Variants in HOTAIR observed in about 807,000 individuals in gnomAD.
HOTAIR encodes the protein HOX transcript antisense RNA (non-protein coding).
chr12:53,963,865 C>T (rs1939001510), exon 7 of HOTAIR: 1 of 152,230 alleles, frequency 6.6e-6, no homozygotes, highest in Non-Finnish European at 1.5e-5. Flanking sequence ...TCTGTACTCC[C>T]GTTCCCTAGA....
At chr12:53,972,234 C>G (rs1363294913) in intron 1 of HOTAIR, among the ~76,000 whole-genome samples, 1 of 152,246 alleles carries the variant, frequency 6.6e-6, no homozygotes, top group Non-Finnish European at 1.5e-5. Context: ...ATAGAAGATA[C>G]ATGGCTCTCA....
chr12:53,963,447 C>G (rs917378331), exon 7 of HOTAIR: 1 of 152,252 alleles, frequency 6.6e-6, no homozygotes, highest in African/African-American at 2.4e-5. Context: ...AATCCAGAAC[C>G]CTCTGACATT....
chr12:53,969,430 T>G (rs1939113062), intron 1 of HOTAIR, among the ~76,000 whole-genome samples: 1 of 152,140 alleles, frequency 6.6e-6, no homozygotes, highest in African/African-American at 2.4e-5. Context: ...CTGAGCAGCG[T>G]CCACCAGCTT....
chr12:53,972,943 G>A (rs1406414221), intron 1 of HOTAIR, among the ~76,000 whole-genome samples: 1 of 150,874 alleles, frequency 6.6e-6, no homozygotes, highest in African/African-American at 2.4e-5. Context: ...CTCGTGCTGT[G>A]GTATGGAGAG....
Position 53,973,218 on chromosome 12 carries a change from C to T in HOTAIR, n.59+1680G>A. Reference sequence around the variant, plus strand: ...CTAGACCGGGTCCAAAACCTCCATCCGGAGCCGGCAGGAGAGGAGAACGAT... The same window carrying T: ...CTAGACCGGGTCCAAAACCTCCATCTGGAGCCGGCAGGAGAGGAGAACGAT... On this transcript the variant is annotated intron_variant and non_coding_transcript_variant, in intron 1 of 6. Transcript: ENST00000424518. The surrounding 1 kb of genome is among the most constrained non-coding windows in gnomAD (Gnocchi z 4.3). 2 of 1,529,428 alleles carry T rather than the reference C, an allele frequency of 1.3e-6. No individual in the cohort carries two copies. Among genetic ancestry groups the T allele is most frequent in the Non-Finnish European group, 1.7e-6 (2 of 1,144,120 alleles). The allele number at this position is 1,529,428 out of a possible 1,614,324, so 94.7% of individuals were successfully genotyped here.
chr12:53,971,916 G>A (rs996291319), intron 1 of HOTAIR, among the ~76,000 whole-genome samples: 2 of 152,226 alleles, frequency 1.3e-5, no homozygotes, highest in African/African-American at 2.4e-5. Context: ...GCAGGACAGG[G>A]CTGAGAAATA....
At position 53,973,261 on chromosome 12, in the gene HOTAIR, T is replaced by C. The variant is rs1252999468; in HGVS notation, n.59+1637A>G. 1.2e-6 allele frequency: 2 copies of C among 1,609,246 alleles called. No individual in the cohort carries two copies. The highest frequency in any genetic ancestry group is 1.7e-5 in the Admixed American group (1 of 59,850). On this transcript the variant is annotated intron_variant and non_coding_transcript_variant, in intron 1 of 6. Coordinates refer to ENST00000424518, the Ensembl canonical transcript of HOTAIR. The surrounding 1 kb of genome is among the most constrained non-coding windows in gnomAD (Gnocchi z 4.3). ...AGAACGATGTTTAACTCGGTCAACC[T>C]GGGCAACTTCTGCTCTCCGTCGCGC...
chr12:53,969,921 C>T (rs999422245), intron 1 of HOTAIR, among the ~76,000 whole-genome samples: 4 of 152,238 alleles, frequency 2.6e-5, no homozygotes, highest in African/African-American at 9.6e-5. Flanking sequence ...GACAAGCTAA[C>T]AGGAGGCCCC....
rs529380030 is a variant in HOTAIR, at chr12:53,973,523, G to C, written n.59+1375C>G. 1 of 1,613,664 alleles carries C rather than the reference G, an allele frequency of 6.2e-7. No individual in the cohort carries two copies. Among genetic ancestry groups the C allele is most frequent in the South Asian group, 1.1e-5 (1 of 91,062 alleles). On this transcript the variant is annotated intron_variant and non_coding_transcript_variant, in intron 1 of 6. Coordinates refer to ENST00000424518, the Ensembl canonical transcript of HOTAIR. The surrounding 1 kb of genome is among the most constrained non-coding windows in gnomAD (Gnocchi z 4.3). The stretch of plus-strand genomic sequence containing the variant: ...GGAACAGCTACTCCTCCTGCTATGC[G>C]GCGGCCGACGAGCTTATGCACCGGG...
At chr12:53,964,630 G>A (rs748555194) in intron 5 of HOTAIR, among the ~76,000 whole-genome samples, 2 of 152,134 alleles carry the variant, frequency 1.3e-5, no homozygotes, top group Non-Finnish European at 2.9e-5. Flanking sequence ...GCAATTATTC[G>A]GATAATTGTA....
Position 53,973,420 on chromosome 12 carries a change from C to G in HOTAIR, n.59+1478G>C, listed in dbSNP as rs1565714101. The G allele has an allele frequency of 6.2e-7, 1 of 1,614,232 alleles. No individual in the cohort carries two copies. The highest frequency in any genetic ancestry group is 8.5e-7 in the Non-Finnish European group (1 of 1,180,046). ...CCCCAGGCCCCCTCTCGTCAGATCT[C>G]CTATCCCTACTCGGCCCAAGTGCCC... is the stretch of plus-strand genomic sequence containing the variant. On this transcript the variant is annotated intron_variant and non_coding_transcript_variant, in intron 1 of 6. Coordinates refer to ENST00000424518, the Ensembl canonical transcript of HOTAIR. This position sits in a 1 kb window ranked among gnomAD's most constrained non-coding sequence, Gnocchi z 4.3.
In HOTAIR at chr12:53,973,761, A is replaced by G. The variant is rs1939194144; in HGVS notation, n.59+1137T>C. ...GCCCGCCGAGCCCCCCTGCTCCGGC[A>G]AGGGCGAGGCCAAGGGGGAGCCCGA... is the stretch of plus-strand genomic sequence containing the variant. On this transcript the variant is annotated intron_variant and non_coding_transcript_variant, in intron 1 of 6. Transcript: ENST00000424518. The surrounding 1 kb of genome is among the most constrained non-coding windows in gnomAD (Gnocchi z 4.3). 8 of 1,612,134 alleles carry G rather than the reference A, an allele frequency of 5.0e-6. No individual in the cohort carries two copies. Among genetic ancestry groups the G allele is most frequent in the Non-Finnish European group, 6.8e-6 (8 of 1,179,430 alleles).
At chr12:53,970,331 A>G (rs1183367080) in intron 1 of HOTAIR, among the ~76,000 whole-genome samples, 7 of 152,214 alleles carry the variant, frequency 4.6e-5, no homozygotes, top group Admixed American at 1.3e-4. Context: ...TGCTGTGGCC[A>G]GAATCCACAG....
intron 1 of HOTAIR, among the ~76,000 whole-genome samples, chr12:53,972,244 A>T (rs1043925595): frequency 6.6e-6 from 1 of 152,222 alleles, no homozygotes; most frequent in African/African-American, 2.4e-5. Context: ...CATGGCTCTC[A>T]TTCCAATCCT....
At chr12:53,971,348 G>GA (rs1003374468) in intron 1 of HOTAIR, among the ~76,000 whole-genome samples, 1 of 152,178 alleles carries the variant, frequency 6.6e-6, no homozygotes, top group African/African-American at 2.4e-5. Flanking sequence ...ACCACCCTGA[G>GA]AATGGGACCC....
chr12:53,973,813 C>G lies in HOTAIR; in HGVS notation n.59+1085G>C. 1 of 1,536,692 alleles carries G rather than the reference C, an allele frequency of 6.5e-7. No homozygotes were observed. Among genetic ancestry groups the G allele is most frequent in the South Asian group, 1.2e-5 (1 of 84,364 alleles). The stretch of plus-strand genomic sequence containing the variant: ...GCACCCCCGGCCTCGGGACTGGCGT[C>G]CCGGGCTGAGGCGGGTGCCGAGGCG... On this transcript the variant is annotated intron_variant and non_coding_transcript_variant, in intron 1 of 6. Transcript: ENST00000424518. The surrounding 1 kb of genome is among the most constrained non-coding windows in gnomAD (Gnocchi z 4.3).
At chr12:53,962,770 C>G (rs1197577538) in exon 7 of HOTAIR, 1 of 152,118 alleles carries the variant, frequency 6.6e-6, no homozygotes, top group Non-Finnish European at 1.5e-5. Context: ...TGTCTACATG[C>G]ATCACTTATT....
chr12:53,971,503 C>T (rs888477693), intron 1 of HOTAIR, among the ~76,000 whole-genome samples: 10 of 152,196 alleles, frequency 6.6e-5, no homozygotes, highest in Admixed American at 1.3e-4. Context: ...GTTTGGGAGC[C>T]GCAGCACCTT....
intron 5 of HOTAIR, among the ~76,000 whole-genome samples, chr12:53,965,117 A>G (rs1334355785): frequency 6.6e-6 from 1 of 152,220 alleles, no homozygotes; most frequent in Non-Finnish European, 1.5e-5. Flanking sequence ...CTATTTTTAC[A>G]TATGCTTTAA....
Sources: allele counts gnomAD v4.1 joint callset (sites outside exome capture counted in the v4.1 genomes callset), GRCh38; gene constraint gnomAD v4.1.1; non-coding constraint Gnocchi (gnomAD v3.1); transcripts MANE v1.5; gene names NCBI Gene and HGNC (gene_info 2026-07-23, HGNC 2026-07-21).